Variants in KAT6B observed in about 807,000 individuals in gnomAD.
KAT6B encodes lysine acetyltransferase 6B.
In KAT6B, 10 loss-of-function variants were observed where a neutral mutation model predicts 187.5. The ratio of observed to expected loss-of-function variants is 0.05; its 90% CI spans 0.03 to 0.09. The LOEUF (loss-of-function observed/expected upper bound fraction) is 0.09, where lower values mean the gene tolerates loss of function less well. KAT6B is among the 10% of genes least tolerant of loss of function. The pLI, the probability that KAT6B is intolerant of heterozygous loss-of-function variation, is 1.00. For missense variants in KAT6B, 1,952 were observed against 2,558.9 expected (o/e 0.76, Z 5.12); for synonymous variants, 861 against 926.8 (o/e 0.93, Z 1.29).
intron 3 of KAT6B, among the ~76,000 whole-genome samples, chr10:74,895,177 TTG>T (rs1275646007): frequency 2.6e-5 from 4 of 152,168 alleles, no homozygotes; most frequent in Non-Finnish European, 4.4e-5. Context: ...TCTTGCCCAT[TTG>T]TATATCTTCT....
chr10:74,952,938 G>A (rs1278185124), intron 3 of KAT6B, among the ~76,000 whole-genome samples: 3 of 145,798 alleles, frequency 2.1e-5, no homozygotes, highest in Non-Finnish European at 4.5e-5. Flanking sequence ...GACCTCAGGT[G>A]ATCTGCCCAC....
chr10:74,896,555 G>T (rs559979672), intron 3 of KAT6B, among the ~76,000 whole-genome samples: 160 of 152,218 alleles, frequency 1.1e-3, no homozygotes, highest in Non-Finnish European at 1.6e-3. Context: ...CTCCCAAAGT[G>T]CTGGGATTAC....
In KAT6B at chr10:74,843,332, G is replaced by A. The variant is rs752855653; in HGVS notation, c.475G>A (p.Ala159Thr). 3.1e-6 allele frequency: 5 copies of A among 1,613,366 alleles called. No homozygotes were observed. The highest frequency in any genetic ancestry group is 1.7e-5 in the Admixed American group (1 of 59,904). Residue 159 changes from alanine (A) to threonine (T), a missense_variant, in exon 3 of 18, where the codon GCT (alanine) becomes ACT (threonine). Ala to Thr is a moderately conservative substitution (Grantham distance 58). Coordinates refer to ENST00000287239, the MANE Select transcript of KAT6B (RefSeq NM_012330.4). ...GCGGCTGCGACTGGGGGCCAAACGCGCTGTGAATAATGGGAGGTTACTGAA... is the reference window on the plus strand; with the variant it reads ...GCGGCTGCGACTGGGGGCCAAACGCACTGTGAATAATGGGAGGTTACTGAA... ...QQRLRLGAKRAVNNGRLLKDG... is the reference protein window; with the variant it reads ...QQRLRLGAKRTVNNGRLLKDG...
At chr10:74,990,685 G>A (rs1843080094) in intron 13 of KAT6B, among the ~76,000 whole-genome samples, 1 of 152,116 alleles carries the variant, frequency 6.6e-6, no homozygotes, top group South Asian at 2.1e-4. Flanking sequence ...TAGAGTCCTA[G>A]CTGTAATCAT....
At chr10:74,902,155 C>T (rs1846447400) in intron 3 of KAT6B, among the ~76,000 whole-genome samples, 1 of 152,196 alleles carries the variant, frequency 6.6e-6, no homozygotes, top group Admixed American at 6.5e-5. Flanking sequence ...CCCATAGCTC[C>T]TCTTTACTAA....
intron 13 of KAT6B, among the ~76,000 whole-genome samples, chr10:74,992,626 G>T (rs903909181): frequency 2.0e-5 from 3 of 152,232 alleles, no homozygotes; most frequent in African/African-American, 7.2e-5. Flanking sequence ...AGTTGAACCA[G>T]TTGTAAGCCA....
chr10:74,888,207 C>T (rs893307773), intron 3 of KAT6B, among the ~76,000 whole-genome samples: 2 of 152,116 alleles, frequency 1.3e-5, no homozygotes, highest in African/African-American at 4.8e-5. Context: ...GAAAGTATTA[C>T]GTACATGTAA....
chr10:75,022,587 A>G (rs1299008966), intron 16 of KAT6B, among the ~76,000 whole-genome samples: 1 of 152,182 alleles, frequency 6.6e-6, no homozygotes, highest in African/African-American at 2.4e-5. Context: ...GACTTCTCTA[A>G]GGTCATATGA....
intron 3 of KAT6B, among the ~76,000 whole-genome samples, chr10:74,898,072 A>G (rs1846110672): frequency 6.6e-6 from 1 of 152,048 alleles, no homozygotes; most frequent in African/African-American, 2.4e-5. Flanking sequence ...ATAAATCTAT[A>G]TGTTTCTTTA....
rs368252918 is a variant in KAT6B at position 75,029,551 on chromosome 10, C to A, written c.4727C>A (p.Thr1576Asn). ...QEACRSLQNYTRADQSPQIAT... is the reference protein window; with the variant it reads ...QEACRSLQNYNRADQSPQIAT... ...GCCTGTAGAAGCCTACAGAACTACA[C>A]CCGTGCAGACCAAAGTCCACAGATT... The change falls in exon 18 of 18, where the codon ACC becomes AAC. Residue 1576 changes from threonine (T) to asparagine (N), a missense_variant. Around this residue, in one of 9 missense-constraint regions of KAT6B, gnomAD observed 758 missense variants for 891.4 expected, o/e 0.85. Coordinates refer to ENST00000287239, the MANE Select transcript of KAT6B (RefSeq NM_012330.4). The surrounding 1 kb of genome is among the most constrained non-coding windows in gnomAD (Gnocchi z 6.2). 3.1e-5 allele frequency: 50 copies of A among 1,614,022 alleles called. No individual in the cohort carries two copies. Among genetic ancestry groups the A allele is most frequent in the Non-Finnish European group, 3.9e-5 (46 of 1,180,032 alleles).
At chr10:74,970,134 T>C in intron 6 of KAT6B, 33 bp downstream of exon 6, 1 of 1,510,122 alleles carries the variant, frequency 6.6e-7, no homozygotes, top group Non-Finnish European at 9.2e-7. Context: ...AAATGTATTT[T>C]ATTACATATT....
chr10:74,830,770 T>TATATG (rs60886313), intron 1 of KAT6B, among the ~76,000 whole-genome samples: 1 of 9,630 alleles, frequency 1.0e-4, no homozygotes, highest in Non-Finnish European at 2.1e-4. Flanking sequence ...ATATATATAT[T>TATATG]TTTTTTTTTT....
At chr10:74,886,013 G>A (rs1845228790) in intron 3 of KAT6B, among the ~76,000 whole-genome samples, 2 of 152,162 alleles carry the variant, frequency 1.3e-5, no homozygotes, top group Non-Finnish European at 2.9e-5. Context: ...TTACAGGTGT[G>A]AGCCACTGCG....
chr10:74,914,712 A>G (rs997950439), intron 3 of KAT6B, among the ~76,000 whole-genome samples: 4 of 152,130 alleles, frequency 2.6e-5, no homozygotes, highest in African/African-American at 7.2e-5. Flanking sequence ...GCAAATTGAT[A>G]TTTTTTTCTG....
intron 3 of KAT6B, among the ~76,000 whole-genome samples, chr10:74,917,009 G>A (rs1300206995): frequency 3.3e-5 from 5 of 152,188 alleles, no homozygotes; most frequent in Non-Finnish European, 7.4e-5. Context: ...GGAGGCTGAG[G>A]TGGGAGGATT....
intron 3 of KAT6B, among the ~76,000 whole-genome samples, chr10:74,912,293 C>CATGTATGT (rs547713429): frequency 5.3e-5 from 8 of 150,468 alleles, no homozygotes; most frequent in South Asian, 4.2e-4. Context: ...TTGATTGTCT[C>CATGTATGT]ATGTATGTAT....
rs1011421952 is a variant in KAT6B, at chr10:75,031,071, T to C, written c.*25T>C. On this transcript the variant is annotated 3_prime_UTR_variant, in exon 18 of 18. Transcript: ENST00000287239. ...GACAACGTGGGCAGTCCACAAAACCTACGGGGCATCACTATTGGATTGATC... is the reference window on the plus strand; with the variant it reads ...GACAACGTGGGCAGTCCACAAAACCCACGGGGCATCACTATTGGATTGATC... 6 of 1,612,964 alleles carry C rather than the reference T, an allele frequency of 3.7e-6. No individual in the cohort carries two copies. The highest frequency in any genetic ancestry group is 5.1e-6 in the Non-Finnish European group (6 of 1,179,558).
chr10:74,897,055 A>G (rs1295632123), intron 3 of KAT6B, among the ~76,000 whole-genome samples: 1 of 152,138 alleles, frequency 6.6e-6, no homozygotes, highest in Non-Finnish European at 1.5e-5. Context: ...TATATTGTTC[A>G]AGTGTGAATT....
chr10:74,902,466 T>G (rs1846469215), intron 3 of KAT6B, among the ~76,000 whole-genome samples: 1 of 151,928 alleles, frequency 6.6e-6, no homozygotes, highest in Admixed American at 6.6e-5. Flanking sequence ...GTTCTAAGAG[T>G]ACCATATGCT....
Sources: gnomAD v4.1 joint callset for allele counts (sites outside exome capture counted in the v4.1 genomes callset) on GRCh38, gnomAD v4.1.1 for gene constraint, gnomAD v4.1.1 regional missense constraint, Gnocchi (gnomAD v3.1) non-coding constraint, MANE v1.5 for transcripts, NCBI Gene and HGNC (gene_info 2026-07-23, HGNC 2026-07-21) for gene names.